CHODL: variants seen among roughly 807,000 people sequenced by gnomAD.
The protein encoded by CHODL is transmembrane protein MT75.
CHODL carries 29 observed loss-of-function variants against 34.5 expected under a neutral mutation model. That is an observed-to-expected ratio of 0.84 (90% CI 0.63 to 1.15). The LOEUF is 1.15. CHODL is among the 50% of genes most tolerant of loss of function. The probability of loss-of-function intolerance (pLI) is 0.00; values close to 1 mark genes in which losing one functional copy is unlikely to be tolerated. For missense variants in CHODL, 332 were observed against 332.5 expected (o/e 1.00, Z 0.01); for synonymous variants, 125 against 116.1 (o/e 1.08, Z -0.49).
Position 18,205,404 on chromosome 21 carries a change from T to C in CHODL, c.-44-51105T>C, listed in dbSNP as rs2073700742. Among the ~76,000 whole-genome samples the C allele has an allele frequency of 2.6e-5, 4 of 152,382 alleles. 1 individual carries two copies. In the South Asian group the frequency reaches 8.3e-4, roughly 32 times the overall value. On this transcript the variant is annotated intron_variant, in intron 2 of 6. Coordinates refer to the CHODL transcript ENST00000400127. The stretch of plus-strand genomic sequence containing the variant: ...TATGACATTGACTGATTTGTATATG[T>C]TGAACCATCCTTGTATCCCTGGGAT...
chr21:17,984,470 C>T (rs1406554783), intron 1 of CHODL, among the ~76,000 whole-genome samples: 1 of 152,076 alleles, frequency 6.6e-6, no homozygotes, highest in Non-Finnish European at 1.5e-5. Context: ...GCTGTTGCCT[C>T]ATTCTCTTTA....
At chr21:18,070,821 C>A (rs2064794634) in intron 2 of CHODL, among the ~76,000 whole-genome samples, 1 of 152,052 alleles carries the variant, frequency 6.6e-6, no homozygotes, top group African/African-American at 2.4e-5. Context: ...ACTTCTAAAT[C>A]TGTCTCTCTC....
intron 2 of CHODL, among the ~76,000 whole-genome samples, chr21:18,033,572 C>A (rs964618949): frequency 6.6e-6 from 1 of 151,948 alleles, no homozygotes; most frequent in Admixed American, 6.6e-5. Context: ...ACTGCAGGGA[C>A]CAAATCATTA....
Position 18,262,861 on chromosome 21 carries a change from T to C in CHODL, c.705T>C (p.Phe235=). The part of the protein sequence containing the change: ...IPLLLLILVA[F]GTCCFQMLHK... The stretch of plus-strand genomic sequence containing the variant: ...TGCTCTTACTGATACTGGTTGCTTT[T>C]GGAACCTGTTGTTTCCAGATGCTGC... Residue 235 remains phenylalanine, a synonymous_variant, in exon 5 of 6, where the codon TTT becomes TTC. Coordinates refer to ENST00000299295, the MANE Select transcript of CHODL (RefSeq NM_024944.3). 1.2e-6 allele frequency: 2 copies of C among 1,609,172 alleles called. No homozygotes were observed. The highest frequency in any genetic ancestry group is 1.7e-6 in the Non-Finnish European group (2 of 1,175,940).
intron 2 of CHODL, among the ~76,000 whole-genome samples, chr21:18,119,007 C>T (rs562015817): frequency 3.3e-5 from 5 of 152,172 alleles, no homozygotes; most frequent in African/African-American, 1.2e-4. Context: ...AATCTCTTTC[C>T]CCTCTTTCCT....
chr21:18,131,539 G>T (rs2072654759), intron 2 of CHODL, among the ~76,000 whole-genome samples: 1 of 151,952 alleles, frequency 6.6e-6, no homozygotes, highest in Admixed American at 6.6e-5. Flanking sequence ...TTTACTCCTG[G>T]CCCCATTTTC....
At chr21:18,104,091 A>G (rs1296524303) in intron 2 of CHODL, among the ~76,000 whole-genome samples, 6 of 152,182 alleles carry the variant, frequency 3.9e-5, no homozygotes, top group Non-Finnish European at 7.3e-5. Flanking sequence ...ATATTTCCCA[A>G]TGTCACTAAG....
Position 17,926,520 on chromosome 21 carries a change from T to A in CHODL, c.-145+9120T>A, listed in dbSNP as rs375083756. 2.3e-4 allele frequency among the ~76,000 whole-genome samples: 35 copies of A among 152,174 alleles called. No individual in the cohort carries two copies. The South Asian group carries it at 7.3e-3, about 32-fold the overall frequency. The stretch of plus-strand genomic sequence containing the variant: ...TGGGGAGGCCTCAGGAAACTTATAA[T>A]CATGGCAGAAGGCAAAGGAGAAGCA... On this transcript the variant is annotated intron_variant, in intron 1 of 6. Coordinates refer to the CHODL transcript ENST00000400127.
chr21:18,044,414 AC>A (rs1417511466), intron 2 of CHODL, among the ~76,000 whole-genome samples: 2 of 152,062 alleles, frequency 1.3e-5, no homozygotes, highest in African/African-American at 4.8e-5. Flanking sequence ...CATCGTTGAG[AC>A]TGCAGAAAAA....
chr21:17,938,481 TTTTTTTTTTTTTA>T, intron 1 of CHODL, among the ~76,000 whole-genome samples: 1 of 1,342 alleles, frequency 7.5e-4, no homozygotes, highest in African/African-American at 2.6e-3. Context: ...TTTTTTTTTT[TTTTTTTTTTTTTA>T]AGGAAAGGGA....
intron 2 of CHODL, among the ~76,000 whole-genome samples, chr21:18,033,898 A>G (rs1440228859): frequency 1.3e-5 from 2 of 152,080 alleles, no homozygotes; most frequent in Non-Finnish European, 2.9e-5. Flanking sequence ...TATAGTCTGT[A>G]CTATATTCTC....
At chr21:18,052,246 T>A (rs1200929558) in intron 2 of CHODL, among the ~76,000 whole-genome samples, 1 of 151,958 alleles carries the variant, frequency 6.6e-6, no homozygotes, top group East Asian at 1.9e-4. Flanking sequence ...GAATTTTTTT[T>A]AAGTAGTGAT....
intron 2 of CHODL, among the ~76,000 whole-genome samples, chr21:18,137,726 G>A (rs755977323): frequency 6.6e-6 from 1 of 152,104 alleles, no homozygotes; most frequent in Admixed American, 6.6e-5. Flanking sequence ...AAATAACAAC[G>A]ATGGTATATA....
Position 18,208,330 on chromosome 21 carries a change from T to C in CHODL, c.-44-48179T>C, listed in dbSNP as rs966239398. 3.3e-5 allele frequency among the ~76,000 whole-genome samples: 5 copies of C among 152,246 alleles called. No homozygotes were observed. The East Asian group carries it at 9.7e-4, about 30-fold the overall frequency. On this transcript the variant is annotated intron_variant, in intron 2 of 6. Transcript: ENST00000400127. ...CTCCAGAATTTAGGCTTGAATCTTT[T>C]TGATTATTTTAATCTCTTTGTTAAA...
intron 1 of CHODL, among the ~76,000 whole-genome samples, chr21:17,993,137 A>AT (rs557099854): frequency 3.3e-5 from 5 of 151,722 alleles, no homozygotes; most frequent in African/African-American, 9.7e-5. Flanking sequence ...TAGTATTTTC[A>AT]TTTTTTTCCC....
At chr21:18,229,602 T>C (rs1292280783) in intron 2 of CHODL, among the ~76,000 whole-genome samples, 2 of 152,154 alleles carry the variant, frequency 1.3e-5, no homozygotes, top group African/African-American at 4.8e-5. Flanking sequence ...CCAGTATCAA[T>C]GGGATGGACG....
At chr21:18,061,632 A>G (rs535143138) in intron 2 of CHODL, among the ~76,000 whole-genome samples, 2 of 152,370 alleles carry the variant, frequency 1.3e-5, no homozygotes, top group South Asian at 4.1e-4. Context: ...TCTTTAGCCC[A>G]AACAATTGCA....
intron 1 of CHODL, among the ~76,000 whole-genome samples, chr21:18,010,153 C>T (rs1252558057): frequency 7.5e-6 from 1 of 132,952 alleles, no homozygotes; most frequent in African/African-American, 2.7e-5. Flanking sequence ...AAAAAATTAG[C>T]CGGGCGTGGT....
chr21:18,068,591 A>G (rs937805886), intron 2 of CHODL, among the ~76,000 whole-genome samples: 1 of 152,140 alleles, frequency 6.6e-6, no homozygotes, highest in Non-Finnish European at 1.5e-5. Context: ...CTTGCACCCT[A>G]TTCTCACCTG....
Sources: allele counts gnomAD v4.1 joint callset (sites outside exome capture counted in the v4.1 genomes callset), GRCh38; gene constraint gnomAD v4.1.1; transcripts MANE v1.5; gene names NCBI Gene and HGNC (gene_info 2026-07-23, HGNC 2026-07-21).